The following BRF1 variants were observed in gnomAD, a reference collection of about 807,000 sequenced individuals.
BRF1 encodes BRF1 general transcription factor IIIB subunit.
A neutral mutation model predicts 81.7 loss-of-function variants in BRF1; 59 were observed. The observed-to-expected ratio is 0.72, with a 90% CI of 0.59 to 0.90. BRF1 has a LOEUF of 0.90. Among genes scored for constraint, BRF1 ranks in the 40% least tolerant of loss-of-function variants. The pLI is 0.00. For missense variants in BRF1, 1,050 were observed against 936.3 expected, an observed-to-expected ratio of 1.12 and a Z score of -1.58; for synonymous variants, 491 against 395.6, an observed-to-expected ratio of 1.24 and a Z score of -2.86.
At chr14:105,259,356 G>T (rs2056042109) in intron 3 of BRF1, among the ~76,000 whole-genome samples, 1 of 152,166 alleles carries the variant, frequency 6.6e-6, no homozygotes, top group Non-Finnish European at 1.5e-5. Flanking sequence ...AAGGCAGGAG[G>T]ATTGCTTGCA....
At chr14:105,266,627 C>T (rs1228086981) in intron 3 of BRF1, among the ~76,000 whole-genome samples, 2 of 151,960 alleles carry the variant, frequency 1.3e-5, no homozygotes, top group African/African-American at 2.4e-5. Context: ...ATACATAGAG[C>T]GAAGGGCAGA....
At chr14:105,262,978 C>T (rs1001088318) in intron 3 of BRF1, among the ~76,000 whole-genome samples, 3 of 151,936 alleles carry the variant, frequency 2.0e-5, no homozygotes, top group East Asian at 1.9e-4. Context: ...CGGTGGCTCA[C>T]GCCTGTAATC....
intron 4 of BRF1, chr14:105,256,275 G>A (rs777556456): frequency 3.3e-5 from 51 of 1,545,686 alleles, no homozygotes; most frequent in East Asian, 4.9e-5. Flanking sequence ...ACACCCAACC[G>A]TGCCCAGCAT....
Position 105,250,178 on chromosome 14 carries a change from C to T in BRF1, c.544+2329G>A, listed in dbSNP as rs140025030. On this transcript the variant is annotated intron_variant, in intron 5 of 17. Transcript: ENST00000547530. ...GTGGTACACGGCCACCAACAAGCCCCGCCTGGACTTTCCCCTGACCAAGAG... is the reference window on the plus strand; with the variant it reads ...GTGGTACACGGCCACCAACAAGCCCTGCCTGGACTTTCCCCTGACCAAGAG... 1.2e-5 allele frequency: 20 copies of T among 1,612,900 alleles called. No homozygotes were observed. The highest frequency in any genetic ancestry group is 5.3e-5 in the African/African-American group (4 of 74,936).
rs745950196 is a variant in BRF1, at chr14:105,267,366, C to T, written c.439+5355G>A. Among the ~76,000 whole-genome samples, 3 of 151,274 alleles carry T rather than the reference C, an allele frequency of 2.0e-5. No individual in the cohort carries two copies. The South Asian group carries it at 6.3e-4, about 32-fold the overall frequency. ...TTGCCTAGGCTGGAGTGTAGTGGTG[C>T]GATCATGGCTCACTGCAGCCTCGAC... On this transcript the variant is annotated intron_variant, in intron 3 of 17. Coordinates refer to ENST00000547530, the MANE Select transcript of BRF1 (RefSeq NM_001519.4).
Position 105,241,281 on chromosome 14 carries a change from C to G in BRF1, c.678G>C (p.Ser226=), listed in dbSNP as rs587708306. The G allele has an allele frequency of 2.7e-5, 44 of 1,611,996 alleles. No homozygotes were observed. The South Asian group carries it at 3.8e-4, about 14-fold the overall frequency. Residue 226 remains serine, a synonymous_variant, in exon 6 of 18, where the codon TCG becomes TCC. Coordinates refer to ENST00000547530, the MANE Select transcript of BRF1 (RefSeq NM_001519.4). The part of the protein sequence containing the change: ...RDWMHTGRRP[S]GLCGAALLVA... ...CCGCTGTACCTGCTCCGCAGAGGCC[C>G]GAGGGGCGCCGGCCTGTGTGCATCC...
intron 1 of BRF1, among the ~76,000 whole-genome samples, chr14:105,312,614 AG>A (rs1329262085): frequency 6.6e-6 from 1 of 151,992 alleles, no homozygotes; most frequent in Non-Finnish European, 1.5e-5. Flanking sequence ...CCCAGCCTTC[AG>A]GGGATCTCCT....
chr14:105,268,403 C>G (rs773091045), intron 3 of BRF1, among the ~76,000 whole-genome samples: 5 of 152,246 alleles, frequency 3.3e-5, no homozygotes, highest in Non-Finnish European at 7.3e-5. Flanking sequence ...TTGCCAGACT[C>G]AGTGGGACTC....
At position 105,212,150 on chromosome 14, in the gene BRF1, A is replaced by G. The variant is rs781421657; in HGVS notation, c.1787T>C (p.Val596Ala). Residue 596 changes from valine to alanine, a missense_variant, in exon 16 of 18, where the codon GTG becomes GCG. Val to Ala is a moderately conservative substitution (Grantham distance 64). Coordinates refer to ENST00000547530, the MANE Select transcript of BRF1 (RefSeq NM_001519.4). ...TSVGKRLRPL[V>A]STQPAKKVAT... ...CACCTTCTTTGCTGGCTGCGTAGAC[A>G]CCAGAGGCCTCAACCTGCAAAAGGA... The G allele has an allele frequency of 1.2e-6, 2 of 1,612,494 alleles. No homozygotes were observed. Among genetic ancestry groups the G allele is most frequent in the Non-Finnish European group, 1.7e-6 (2 of 1,179,568 alleles).
chr14:105,294,475 C>A (rs147865995), intron 1 of BRF1, among the ~76,000 whole-genome samples: 1 of 152,268 alleles, frequency 6.6e-6, no homozygotes, highest in Non-Finnish European at 1.5e-5. Context: ...GGAAACCCTG[C>A]GTCTGCTGCC....
intron 3 of BRF1, among the ~76,000 whole-genome samples, chr14:105,268,804 G>C (rs587744071): frequency 6.6e-6 from 1 of 152,218 alleles, no homozygotes; most frequent in Non-Finnish European, 1.5e-5. Context: ...GGTGGGTGCT[G>C]TTGCGCCCTG....
At chr14:105,220,206 T>C in intron 11 of BRF1, 76 bp from the exon 12 acceptor site, 1 of 1,562,332 alleles carries the variant, frequency 6.4e-7, no homozygotes, top group Non-Finnish European at 8.8e-7. Context: ...CTGGGCTGGC[T>C]CAGGACCCTG....
At chr14:105,248,366 G>A in intron 5 of BRF1, 4 of 985,506 alleles carry the variant, frequency 4.1e-6, no homozygotes, top group Non-Finnish European at 4.8e-6. Context: ...TGGCACTGCG[G>A]GTCTGGGGGC....
upstream of BRF1, among the ~76,000 whole-genome samples, chr14:105,305,939 G>A (rs1471348314): frequency 6.6e-6 from 1 of 152,252 alleles, no homozygotes; most frequent in Admixed American, 6.5e-5. Context: ...AACGTGCAGT[G>A]ATCTCCGCTC....
chr14:105,229,026 A>G (rs587606393), intron 6 of BRF1, 113 bp from the exon 7 acceptor site: 66 of 958,540 alleles, frequency 6.9e-5, no homozygotes, highest in Non-Finnish European at 1.0e-4. Context: ...GCCTGAGAAG[A>G]CGTGTCTGTG....
intron 2 of BRF1, among the ~76,000 whole-genome samples, chr14:105,280,194 A>G (rs749565939): frequency 5.3e-5 from 8 of 152,260 alleles, no homozygotes; most frequent in Non-Finnish European, 1.0e-4. Context: ...AGGCGGTGGA[A>G]TATTACTCAC....
chr14:105,226,028 A>G, intron 10 of BRF1, 41 bp downstream of exon 10: 1 of 1,549,422 alleles, frequency 6.5e-7, no homozygotes, highest in Non-Finnish European at 8.9e-7. Flanking sequence ...ACTCTAGCAC[A>G]TTTTAAAGGT....
At chr14:105,250,040 C>T (rs45452103) in intron 5 of BRF1, 36,265 of 1,612,966 alleles carry the variant, frequency 0.022, 510 homozygotes, top group Middle Eastern at 0.03. Context: ...GAGGCATGTT[C>T]TGGGGCGAGC....
At chr14:105,226,546 C>T (rs1287896399) in intron 8 of BRF1, 88 bp downstream of exon 8, 5 of 1,587,024 alleles carry the variant, frequency 3.2e-6, no homozygotes, top group Non-Finnish European at 4.3e-6. Flanking sequence ...TGGGATGGCA[C>T]CAGCTCTGCT....
Sources: allele counts gnomAD v4.1 joint callset (sites outside exome capture counted in the v4.1 genomes callset), GRCh38; gene constraint gnomAD v4.1.1; transcripts MANE v1.5; gene names NCBI Gene and HGNC (gene_info 2026-07-23, HGNC 2026-07-21).